The following C5 variants were observed in gnomAD, a reference collection of about 807,000 sequenced individuals.
The protein encoded by C5 is complement C5.
In C5, 140 loss-of-function variants were observed where a neutral mutation model predicts 218.8. The observed-to-expected ratio is 0.64, with a 90% CI of 0.56 to 0.74. The LOEUF (loss-of-function observed/expected upper bound fraction) is 0.74. Among genes scored for constraint, C5 ranks in the 30% least tolerant of loss-of-function variants. The pLI, the probability that C5 is intolerant of heterozygous loss-of-function variation, is 0.00. For synonymous variants in C5, 614 were observed against 682.3 expected, an observed-to-expected ratio of 0.90 and a Z score of 1.56; for missense variants, 1,700 against 1,969.6, an observed-to-expected ratio of 0.86 and a Z score of 2.59.
chr9:121,041,788 G>T (rs1438302931), intron 3 of C5, among the ~76,000 whole-genome samples: 1 of 152,108 alleles, frequency 6.6e-6, no homozygotes, highest in Admixed American at 6.5e-5. Flanking sequence ...TGTCTAAAAG[G>T]ACCCAACCTT....
intron 38 of C5, among the ~76,000 whole-genome samples, chr9:120,959,232 ATTTCTTTC>A (rs36185563): frequency 0.1 from 14,885 of 144,738 alleles, 1,749 homozygotes; most frequent in African/African-American, 0.29. Context: ...CACCCTTCAA[ATTTCTTTC>A]TTTCTTTCTT....
At chr9:120,968,239 A>G (rs2131678138) in intron 33 of C5, among the ~76,000 whole-genome samples, 1 of 152,324 alleles carries the variant, frequency 6.6e-6, no homozygotes, top group East Asian at 1.9e-4. Context: ...GAAAGGAAGC[A>G]GGAGAGTCAG....
Position 120,974,798 on chromosome 9 carries a change from A to C in C5, c.3998T>G (p.Phe1333Cys). Residue 1333 changes from phenylalanine (F) to cysteine (C), a missense_variant, in exon 30 of 41, where the codon TTC becomes TGC. Phe to Cys is a radical substitution (Grantham distance 205). Coordinates refer to ENST00000223642, the MANE Select transcript of C5 (RefSeq NM_001735.3). ...LHNYKMTDKN[F>C]LGRPVEVLLN... ...ATTTACCTCTACTGGCCTCCCAAGG[A>C]AATTCTTGTCTGTCATTTTATAATT... 1 of 1,614,004 alleles carries C rather than the reference A, an allele frequency of 6.2e-7. No homozygotes were observed. Among genetic ancestry groups the C allele is most frequent in the Non-Finnish European group, 8.5e-7 (1 of 1,179,852 alleles).
intron 20 of C5, among the ~76,000 whole-genome samples, chr9:121,001,449 T>C (rs996267116): frequency 1.3e-5 from 2 of 152,212 alleles, no homozygotes; most frequent in African/African-American, 4.8e-5. Context: ...AATAGAAACA[T>C]CAGTGACATA....
chr9:121,035,038 T>C (rs569898910), intron 4 of C5, 144 bp from the exon 5 acceptor site: 2 of 592,234 alleles, frequency 3.4e-6, no homozygotes, highest in East Asian at 2.8e-5. Context: ...ATATGAAGGA[T>C]GAAGATCTGT....
chr9:120,980,166 G>A lies in C5; in HGVS notation c.3575C>T (p.Ala1192Val), dbSNP rs2046981202. The A allele has an allele frequency of 3.1e-6, 5 of 1,613,912 alleles. No homozygotes were observed. Among genetic ancestry groups the A allele is most frequent in the Middle Eastern group, 1.6e-4 (1 of 6,062 alleles). ...AQSTFTLAIS[A>V]YALSLGDKTH... ...TTTATCTCCCAGGGAAAGAGCATACGCAGAAATGGCCAATGTAAAGGTGCT... is the reference window on the plus strand; with the variant it reads ...TTTATCTCCCAGGGAAAGAGCATACACAGAAATGGCCAATGTAAAGGTGCT... The change falls in exon 28 of 41, where the codon GCG becomes GTG. Residue 1192 changes from alanine (A) to valine (V), a missense_variant. By Grantham distance (64) the Ala-to-Val change is moderately conservative. Transcript: ENST00000223642.
At chr9:121,007,254 G>C (rs1251666960) in intron 18 of C5, among the ~76,000 whole-genome samples, 1 of 152,172 alleles carries the variant, frequency 6.6e-6, no homozygotes, top group Non-Finnish European at 1.5e-5. Context: ...CACAAACAAA[G>C]AAAAAGATGT....
intron 30 of C5, among the ~76,000 whole-genome samples, chr9:120,973,545 T>C (rs1427951123): frequency 1.3e-5 from 2 of 152,238 alleles, no homozygotes; most frequent in Non-Finnish European, 2.9e-5. Context: ...TCAGGTCTTT[T>C]GGTTTATCAA....
chr9:121,008,460 G>T lies in C5; in HGVS notation c.2296C>A (p.Arg766=). The T allele has an allele frequency of 6.2e-7, 1 of 1,613,702 alleles. No individual in the cohort carries two copies. Among genetic ancestry groups the T allele is most frequent in the Non-Finnish European group, 8.5e-7 (1 of 1,179,806 alleles). The part of the protein sequence containing the change: ...TLLPVSKPEI[R]SYFPESWLWE... ...AACCAGCTTTCTGGAAAATAACTCCGAATTTCTGGCTTGCTTACTGGTAAC... is the reference window on the plus strand; with the variant it reads ...AACCAGCTTTCTGGAAAATAACTCCTAATTTCTGGCTTGCTTACTGGTAAC... The change falls in exon 18 of 41, where the codon CGG becomes AGG. Residue 766 remains arginine (R), a synonymous_variant. Transcript: ENST00000223642.
Position 120,980,089 on chromosome 9 carries a change from C to T in C5, c.3652G>A (p.Val1218Ile). 1.2e-6 allele frequency: 2 copies of T among 1,614,074 alleles called. No individual in the cohort carries two copies. The highest frequency in any genetic ancestry group is 1.7e-6 in the Non-Finnish European group (2 of 1,179,960). Reference protein sequence around the residue: ...IVSALKREALVKGNPPIYRFW... With the variant: ...IVSALKREALIKGNPPIYRFW... ...TGTATGGAACAAGTTATACCTTTAA[C>T]CAAAGCTTCTCTCTTCAAAGCTGAA... Residue 1218 changes from valine to isoleucine, a missense_variant, in exon 28 of 41, where the codon GTT becomes ATT. Coordinates refer to ENST00000223642, the MANE Select transcript of C5 (RefSeq NM_001735.3).
At chr9:121,072,564 T>C in the C5 span, among the ~76,000 whole-genome samples, 1 of 152,030 alleles carries the variant, frequency 6.6e-6, no homozygotes, top group Non-Finnish European at 1.5e-5. Context: ...CCCAGCACTT[T>C]GGGAGGCCGA....
At chr9:120,970,145 A>G in intron 32 of C5, 25 bp downstream of exon 32, 1 of 1,512,248 alleles carries the variant, frequency 6.6e-7, no homozygotes, top group Non-Finnish European at 9.2e-7. Flanking sequence ...AGCCAAAATT[A>G]CAGCGTAAAT....
chr9:121,033,008 CTA>C (rs1554724843), intron 5 of C5, among the ~76,000 whole-genome samples: 2 of 105,616 alleles, frequency 1.9e-5, no homozygotes, highest in Admixed American at 1.0e-4. Context: ...TTCAAAAAAA[CTA>C]TGGGTGTGTG....
intron 25 of C5, among the ~76,000 whole-genome samples, chr9:120,984,782 C>T (rs868853124): frequency 2.9e-5 from 4 of 138,882 alleles, no homozygotes; most frequent in East Asian, 2.1e-4. Context: ...AGTGCAATGG[C>T]GCAATCTTGG....
chr9:121,046,452 T>A, intron 1 of C5, 69 bp from the exon 2 acceptor site: 2 of 1,108,734 alleles, frequency 1.8e-6, no homozygotes, highest in Non-Finnish European at 2.8e-6. Flanking sequence ...TTTGATTTTT[T>A]TCTCTCACTT....
chr9:121,072,998 A>C, the C5 span, among the ~76,000 whole-genome samples: 2 of 152,134 alleles, frequency 1.3e-5, no homozygotes, highest in Non-Finnish European at 2.9e-5. Flanking sequence ...GGAAAAGGAA[A>C]TCAGTAAATC....
Position 120,996,277 on chromosome 9 carries a change from G to A in C5, c.2814C>T (p.Ser938=), listed in dbSNP as rs778804016. The part of the protein sequence containing the change: ...RVVPEGVKRE[S]YSGVTLDPRG... ...TAGGATCCAAAGTAACACCAGAATA[G>A]CTTTCCCTTTTGACACCTTCTGGCT... The change falls in exon 22 of 41, where the codon AGC becomes AGT. Residue 938 remains serine, a synonymous_variant. Coordinates refer to ENST00000223642, the MANE Select transcript of C5 (RefSeq NM_001735.3). The A allele has an allele frequency of 6.2e-7, 1 of 1,612,626 alleles. No homozygotes were observed. Among genetic ancestry groups the A allele is most frequent in the South Asian group, 1.1e-5 (1 of 91,046 alleles).
At chr9:121,069,354 A>G in the C5 span, among the ~76,000 whole-genome samples, 1 of 152,214 alleles carries the variant, frequency 6.6e-6, no homozygotes, top group Non-Finnish European at 1.5e-5. Flanking sequence ...CTCAAAAAGA[A>G]GACATACAAA....
intron 28 of C5, chr9:120,979,778 C>T (rs1243020560): frequency 2.9e-6 from 1 of 349,054 alleles, no homozygotes; most frequent in Non-Finnish European, 5.5e-6. Flanking sequence ...GTCCCAGCTA[C>T]TGAGGTGGGA....
Sources: gnomAD v4.1 joint callset for allele counts (sites outside exome capture counted in the v4.1 genomes callset) on GRCh38, gnomAD v4.1.1 for gene constraint, MANE v1.5 for transcripts, NCBI Gene and HGNC (gene_info 2026-07-23, HGNC 2026-07-21) for gene names.